Variants in RNASET2 observed in about 807,000 individuals in gnomAD.
The protein encoded by RNASET2 is ribonuclease 6.
A neutral mutation model predicts 33.9 loss-of-function variants in RNASET2; 28 were observed. That is an observed-to-expected ratio of 0.83 (90% CI 0.61 to 1.13). The LOEUF (loss-of-function observed/expected upper bound fraction) is 1.13, where lower values mean the gene tolerates loss of function less well. RNASET2 is among the 50% of genes most tolerant of loss of function. The probability of loss-of-function intolerance (pLI) is 0.00; values close to 1 mark genes in which losing one functional copy is unlikely to be tolerated. For missense variants in RNASET2, 330 were observed against 319.9 expected (o/e 1.03, Z -0.24); for synonymous variants, 123 against 121.0 (o/e 1.02, Z -0.11).
Position 166,955,294 on chromosome 6 carries a change from AGACG to A in RNASET2, c.86+799_86+802del, listed in dbSNP as rs1320804092. On this transcript the variant is annotated intron_variant, in intron 1 of 8. Coordinates refer to ENST00000508775, the MANE Select transcript of RNASET2 (RefSeq NM_003730.6). ...ACGCGCACACACGACACACACGCAC[AGACG>A]CGCACACACGACACACACGCACACA... Among the ~76,000 whole-genome samples the A allele has an allele frequency of 4.3e-3, 245 of 56,616 alleles. 6 individuals carry two copies. Among genetic ancestry groups the A allele is most frequent in the African/African-American group, 0.019 (215 of 11,106 alleles). The allele number at this position is 56,616 out of a possible 152,430, so 37.1% of individuals were successfully genotyped here.
At chr6:166,930,359 A>G (rs1778390195) in intron 8 of RNASET2, among the ~76,000 whole-genome samples, 1 of 151,696 alleles carries the variant, frequency 6.6e-6, no homozygotes, top group South Asian at 2.1e-4. Flanking sequence ...CACATGCAGA[A>G]CATGCCCATA....
At position 166,926,544 on chromosome 6, in the gene RNASET2, A is replaced by AAG. The variant is rs200969087; in HGVS notation, c.*3043_*3044insCT. 1.3e-5 allele frequency among the ~76,000 whole-genome samples: 2 copies of AAG among 151,160 alleles called. No homozygotes were observed. Among genetic ancestry groups the AAG allele is most frequent in the East Asian group, 1.9e-4 (1 of 5,162 alleles). ...GTGAGACTCAGTCTCAAAAAAAAAA[A>AAG]AAAAGAAAAGAAAAGAAAAGATATC... is the stretch of plus-strand genomic sequence containing the variant. On this transcript the variant is annotated 3_prime_UTR_variant, in exon 9 of 9. Transcript: ENST00000508775.
chr6:166,953,528 T>C (rs915950348), intron 1 of RNASET2: 3 of 152,246 alleles, frequency 2.0e-5, no homozygotes, highest in African/African-American at 7.2e-5. Context: ...GTATAGAATT[T>C]ACAGTTAAGA....
At chr6:166,940,634 A>C (rs886197618) in intron 5 of RNASET2, among the ~76,000 whole-genome samples, 1 of 152,154 alleles carries the variant, frequency 6.6e-6, no homozygotes, top group African/African-American at 2.4e-5. Flanking sequence ...ATAAACAGTA[A>C]ATGTCAGCCA....
At chr6:166,951,848 T>C (rs1472148272) in intron 2 of RNASET2, among the ~76,000 whole-genome samples, 1 of 152,218 alleles carries the variant, frequency 6.6e-6, no homozygotes, top group Non-Finnish European at 1.5e-5. Flanking sequence ...CCTGGGTGGC[T>C]TGCCGCCCAC....
chr6:166,929,477 G>A lies in RNASET2; in HGVS notation c.*111C>T. The A allele has an allele frequency of 8.8e-7, 1 of 1,131,620 alleles. No homozygotes were observed. Among genetic ancestry groups the A allele is most frequent in the South Asian group, 1.3e-5 (1 of 78,930 alleles). 70.1% of individuals were successfully genotyped at this position (1,131,620 alleles called of 1,614,324 possible). ...ACCACAACATCCAATTCACAGGCAT[G>A]GAGGGGAAACAGCAAAATAAACAGA... is the stretch of plus-strand genomic sequence containing the variant. On this transcript the variant is annotated 3_prime_UTR_variant, in exon 9 of 9. Coordinates refer to ENST00000508775, the MANE Select transcript of RNASET2 (RefSeq NM_003730.6).
chr6:166,955,000 ATAAG>A lies in RNASET2; in HGVS notation c.86+1093_86+1096del, dbSNP rs536377899. Among the ~76,000 whole-genome samples, 885 of 151,804 alleles carry A rather than the reference ATAAG, an allele frequency of 5.8e-3. 12 individuals carry two copies. Among genetic ancestry groups the A allele is most frequent in the African/African-American group, 0.02 (823 of 41,266 alleles). On this transcript the variant is annotated intron_variant, in intron 1 of 8. Transcript: ENST00000508775. ...AGTAAGACTGTCTAAAAAAAAATAA[ATAAG>A]TAAAACCCACCTTTTCCACACCTAC...
At chr6:166,945,857 A>AG (rs1778827971) in intron 4 of RNASET2, among the ~76,000 whole-genome samples, 1 of 151,254 alleles carries the variant, frequency 6.6e-6, no homozygotes, top group South Asian at 2.1e-4. Flanking sequence ...AGAAAAGAAA[A>AG]GAAAAAAAGA....
rs971528663 is a variant in RNASET2 at position 166,929,521 on chromosome 6, T to C, written c.*67A>G. On this transcript the variant is annotated 3_prime_UTR_variant, in exon 9 of 9. Transcript: ENST00000508775. ...AAACAGACTTCACTTTGGAGTTGTT[T>C]TTTAGAAAGCTGCAGTTTGTGAATT... 57 of 1,536,866 alleles carry C rather than the reference T, an allele frequency of 3.7e-5. No homozygotes were observed. Among genetic ancestry groups the C allele is most frequent in the Non-Finnish European group, 4.6e-5 (51 of 1,110,356 alleles).
At chr6:166,946,439 G>A (rs536652213) in intron 4 of RNASET2, among the ~76,000 whole-genome samples, 2 of 152,350 alleles carry the variant, frequency 1.3e-5, no homozygotes, top group South Asian at 4.1e-4. Context: ...GGAGCCCCTC[G>A]CTCAGGCCCC....
At chr6:166,955,979 C>A in intron 1 of RNASET2, 118 bp downstream of exon 1, 1 of 1,164,978 alleles carries the variant, frequency 8.6e-7, no homozygotes. Flanking sequence ...CCCCCGCCCT[C>A]CCCAGTCGCT....
intron 2 of RNASET2, among the ~76,000 whole-genome samples, chr6:166,951,456 GT>G (rs1054381350): frequency 6.6e-6 from 1 of 152,214 alleles, no homozygotes; most frequent in African/African-American, 2.4e-5. Context: ...TGAGTAACGG[GT>G]GCCTTCCCTA....
In RNASET2 at chr6:166,955,284, A is replaced by G. The variant is rs1159870772; in HGVS notation, c.86+813T>C. Among the ~76,000 whole-genome samples the G allele has an allele frequency of 2.3e-3, 137 of 59,508 alleles. 2 individuals are homozygous for G. Among genetic ancestry groups the G allele is most frequent in the African/African-American group, 0.013 (128 of 9,568 alleles). The allele number at this position is 59,508 out of a possible 152,430, so 39.0% of individuals were successfully genotyped here. A position where few individuals can be genotyped will look rare whatever the true frequency, so the allele number is the denominator to read the frequency against. Reference sequence around the variant, plus strand: ...ACACACACACACGCGCACACACGACACACACGCACAGACGCGCACACACGA... The same window carrying G: ...ACACACACACACGCGCACACACGACGCACACGCACAGACGCGCACACACGA... On this transcript the variant is annotated intron_variant, in intron 1 of 8. Coordinates refer to ENST00000508775, the MANE Select transcript of RNASET2 (RefSeq NM_003730.6).
chr6:166,952,903 A>G, intron 1 of RNASET2: 1 of 315,584 alleles, frequency 3.2e-6, no homozygotes, highest in South Asian at 3.1e-5. Context: ...TGCTCAAGAG[A>G]AATGCAGACC....
chr6:166,945,496 A>G (rs1468821775), intron 4 of RNASET2: 5 of 154,012 alleles, frequency 3.2e-5, no homozygotes, highest in Non-Finnish European at 7.3e-5. Flanking sequence ...ATCCCACTGA[A>G]GGTCTTCACG....
rs1778313249 is a variant in RNASET2 at position 166,926,849 on chromosome 6, C to T, written c.*2739G>A. ...TGGCCTAGTCCACGGGTCCTCTTTT[C>T]CATGGTGCCGCAGAGATGCTCCAGG... On this transcript the variant is annotated 3_prime_UTR_variant, in exon 9 of 9. Coordinates refer to ENST00000508775, the MANE Select transcript of RNASET2 (RefSeq NM_003730.6). Among the ~76,000 whole-genome samples the T allele has an allele frequency of 6.6e-6, 1 of 152,226 alleles. No individual in the cohort carries two copies.
chr6:166,925,243 CCT>C lies in RNASET2; in HGVS notation c.*4343_*4344del, dbSNP rs1214554959. Among the ~76,000 whole-genome samples the C allele has an allele frequency of 1.3e-5, 2 of 151,684 alleles. No homozygotes were observed. The highest frequency in any genetic ancestry group is 2.9e-5 in the Non-Finnish European group (2 of 67,966). ...CATCACCCTTGCTGTCCAGCCGACA[CCT>C]ACGATGCGCAGTCCATGTCTCCGCT... On this transcript the variant is annotated 3_prime_UTR_variant, in exon 9 of 9. Transcript: ENST00000508775.
chr6:166,937,501 TG>T (rs1778596881), intron 6 of RNASET2, among the ~76,000 whole-genome samples: 1 of 152,232 alleles, frequency 6.6e-6, no homozygotes, highest in African/African-American at 2.4e-5. Flanking sequence ...CCTAAAATAT[TG>T]CTCTTACTGC....
chr6:166,955,788 C>T lies in RNASET2; in HGVS notation c.86+309G>A, dbSNP rs549197277. 5.1e-6 allele frequency: 5 copies of T among 983,792 alleles called. No homozygotes were observed. In the East Asian group the frequency reaches 5.7e-4, roughly 113 times the overall value. 60.9% of individuals were successfully genotyped at this position (983,792 alleles called of 1,614,324 possible). On this transcript the variant is annotated intron_variant, in intron 1 of 8. Transcript: ENST00000508775. ...GAGCGTGCCCAGGGCTCCCCCCAAC[C>T]CACTCCTTCCCAGAGGTCACCCCGG... is the stretch of plus-strand genomic sequence containing the variant.
Sources: allele counts gnomAD v4.1 joint callset (sites outside exome capture counted in the v4.1 genomes callset), GRCh38; gene constraint gnomAD v4.1.1; transcripts MANE v1.5; gene names NCBI Gene and HGNC (gene_info 2026-07-23, HGNC 2026-07-21).